Variants in CCSER1 observed in about 807,000 individuals in gnomAD.
The protein encoded by CCSER1 is coiled-coil serine rich protein 1.
CCSER1 carries 41 observed loss-of-function variants against 82.0 expected under a neutral mutation model. The ratio of observed to expected loss-of-function variants is 0.50; its 90% CI spans 0.39 to 0.65. CCSER1 has a LOEUF of 0.65. Ranked by LOEUF, CCSER1 falls within the 30% of genes least tolerant of loss-of-function variation. The pLI, the probability that CCSER1 is intolerant of heterozygous loss-of-function variation, is 0.00. For missense variants in CCSER1, 1,119 were observed against 1,064.2 expected (o/e 1.05, Z -0.72); for synonymous variants, 414 against 383.9 (o/e 1.08, Z -0.92).
chr4:90,314,799 C>T lies in CCSER1; in HGVS notation c.1509+1752C>T, dbSNP rs114518580. Among the ~76,000 whole-genome samples the T allele has an allele frequency of 7.1e-3, 987 of 138,270 alleles. 11 individuals are homozygous for T. Among genetic ancestry groups the T allele is most frequent in the African/African-American group, 0.026 (956 of 37,460 alleles). 90.7% of individuals were successfully genotyped at this position (138,270 alleles called of 152,430 possible). On this transcript the variant is annotated intron_variant, in intron 3 of 10. Transcript: ENST00000509176. ...ATAAATAAATAAAATGTAAAAAGTGCTTCTTATAATATCACAAAGTCACTC... is the reference window on the plus strand; with the variant it reads ...ATAAATAAATAAAATGTAAAAAGTGTTTCTTATAATATCACAAAGTCACTC...
intron 5 of CCSER1, among the ~76,000 whole-genome samples, chr4:90,623,129 G>A (rs576811501): frequency 1.6e-4 from 23 of 147,630 alleles, no homozygotes; most frequent in East Asian, 4.1e-4. Context: ...CCAGGTTCAC[G>A]CCATTCTCCT....
intron 6 of CCSER1, among the ~76,000 whole-genome samples, chr4:90,649,269 A>C (rs1728280622): frequency 6.6e-6 from 1 of 152,144 alleles, no homozygotes; most frequent in Non-Finnish European, 1.5e-5. Context: ...TGGCAATGGG[A>C]AGCTAAGAAG....
At chr4:91,445,661 T>A (rs1476381892) in intron 10 of CCSER1, among the ~76,000 whole-genome samples, 1 of 152,136 alleles carries the variant, frequency 6.6e-6, no homozygotes, top group African/African-American at 2.4e-5. Flanking sequence ...TCTATTTATA[T>A]CCCTGTCATC....
intron 6 of CCSER1, among the ~76,000 whole-genome samples, chr4:90,636,468 A>G (rs1158957828): frequency 6.6e-6 from 1 of 152,050 alleles, no homozygotes; most frequent in East Asian, 1.9e-4. Context: ...ATATAGATGC[A>G]AAAGTCACTT....
intron 5 of CCSER1, among the ~76,000 whole-genome samples, chr4:90,534,790 A>G (rs1775109518): frequency 6.6e-6 from 1 of 152,194 alleles, no homozygotes. Context: ...GATTAGATGT[A>G]ATTGCTACTG....
chr4:90,619,890 A>G (rs1327928649), intron 5 of CCSER1, among the ~76,000 whole-genome samples: 4 of 152,058 alleles, frequency 2.6e-5, no homozygotes, highest in Admixed American at 6.6e-5. Flanking sequence ...CTCAAGTCAC[A>G]TGTGAATATG....
chr4:91,149,666 G>A (rs1423060886), intron 10 of CCSER1, among the ~76,000 whole-genome samples: 1 of 152,176 alleles, frequency 6.6e-6, no homozygotes, highest in East Asian at 1.9e-4. Flanking sequence ...TAAGGTGTAA[G>A]GAAGGGATCC....
intron 4 of CCSER1, among the ~76,000 whole-genome samples, chr4:90,421,494 G>C (rs1459570253): frequency 6.6e-6 from 1 of 152,074 alleles, no homozygotes; most frequent in Non-Finnish European, 1.5e-5. Flanking sequence ...TCAGTTTATT[G>C]TTTACTGAGG....
intron 7 of CCSER1, among the ~76,000 whole-genome samples, chr4:90,746,690 T>C (rs151010521): frequency 8.5e-5 from 13 of 152,348 alleles, no homozygotes; most frequent in African/African-American, 3.1e-4. Flanking sequence ...ACTGCATTTC[T>C]GTTAACTGCC....
intron 6 of CCSER1, among the ~76,000 whole-genome samples, chr4:90,687,337 G>A (rs1184371783): frequency 6.6e-6 from 1 of 151,710 alleles, no homozygotes; most frequent in African/African-American, 2.4e-5. Flanking sequence ...TTTGTTTCTG[G>A]AAAATTTTCA....
chr4:91,003,682 C>T (rs749453499), intron 9 of CCSER1, among the ~76,000 whole-genome samples: 10 of 152,138 alleles, frequency 6.6e-5, no homozygotes, highest in East Asian at 1.9e-4. Flanking sequence ...TGTTCTTCCC[C>T]GGCCTGTGGA....
At chr4:90,981,260 T>G (rs1421370937) in intron 9 of CCSER1, among the ~76,000 whole-genome samples, 1 of 151,846 alleles carries the variant, frequency 6.6e-6, no homozygotes, top group Non-Finnish European at 1.5e-5. Context: ...TTTAGATATT[T>G]CCTAGTATCA....
intron 10 of CCSER1, among the ~76,000 whole-genome samples, chr4:91,578,414 G>C (rs911686596): frequency 2.0e-5 from 3 of 151,812 alleles, no homozygotes; most frequent in Non-Finnish European, 2.9e-5. Context: ...AAATGTATCA[G>C]ATTGCTGGGA....
intron 9 of CCSER1, among the ~76,000 whole-genome samples, chr4:90,934,187 A>C (rs1730635666): frequency 6.6e-6 from 1 of 152,084 alleles, no homozygotes; most frequent in African/African-American, 2.4e-5. Context: ...GAGTTACAGT[A>C]TAAGGACAAA....
At chr4:90,439,493 C>G (rs1319975566) in intron 4 of CCSER1, among the ~76,000 whole-genome samples, 5 of 152,136 alleles carry the variant, frequency 3.3e-5, no homozygotes, top group African/African-American at 1.2e-4. Flanking sequence ...TAATATATCC[C>G]TACCCTAATC....
intron 8 of CCSER1, among the ~76,000 whole-genome samples, chr4:90,817,624 C>T (rs902859201): frequency 6.6e-6 from 1 of 151,438 alleles, no homozygotes; most frequent in Non-Finnish European, 1.5e-5. Flanking sequence ...CTTGAATAAA[C>T]AGGAAAAATG....
At position 90,182,917 on chromosome 4, in the gene CCSER1, A is replaced by G. The variant is rs555694389; in HGVS notation, c.-42+55086A>G. ...ATTTGCTTTAATAAAATTATATTTA[A>G]TTAAATTATATTAGATTTTAAATTG... On this transcript the variant is annotated intron_variant, in intron 1 of 10. Transcript: ENST00000509176. Among the ~76,000 whole-genome samples, 7 of 151,938 alleles carry G rather than the reference A, an allele frequency of 4.6e-5. No homozygotes were observed. The East Asian group carries it at 1.4e-3, about 29-fold the overall frequency.
intron 10 of CCSER1, among the ~76,000 whole-genome samples, chr4:91,591,728 A>C (rs1440288396): frequency 6.6e-6 from 1 of 152,292 alleles, no homozygotes; most frequent in African/African-American, 2.4e-5. Context: ...TAATGCGAGT[A>C]TTTTTATAGC....
At chr4:90,556,756 G>A (rs1778188394) in intron 5 of CCSER1, among the ~76,000 whole-genome samples, 1 of 151,670 alleles carries the variant, frequency 6.6e-6, no homozygotes, top group African/African-American at 2.4e-5. Flanking sequence ...AAGAAGAGGA[G>A]GGTTTGGTCT....
Sources: allele counts gnomAD v4.1 joint callset (sites outside exome capture counted in the v4.1 genomes callset), GRCh38; gene constraint gnomAD v4.1.1; transcripts MANE v1.5; gene names NCBI Gene and HGNC (gene_info 2026-07-23, HGNC 2026-07-21).